C8orf34: variants seen among roughly 807,000 people sequenced by gnomAD.
C8orf34 encodes chromosome 8 open reading frame 34.
In C8orf34, 65 loss-of-function variants were observed where a neutral mutation model predicts 68.3. The ratio of observed to expected loss-of-function variants is 0.95; its 90% CI spans 0.78 to 1.17. C8orf34 has a LOEUF of 1.17. C8orf34 is among the 50% of genes most tolerant of loss of function. The probability of loss-of-function intolerance (pLI) is 0.00; values close to 1 mark genes in which losing one functional copy is unlikely to be tolerated. For synonymous variants in C8orf34, 244 were observed against 241.2 expected (o/e 1.01, Z -0.11); for missense variants, 664 against 655.4 (o/e 1.01, Z -0.14).
intron 10 of C8orf34, among the ~76,000 whole-genome samples, chr8:68,745,237 C>T (rs1031224618): frequency 2.6e-5 from 4 of 152,032 alleles, no homozygotes; most frequent in African/African-American, 9.7e-5. Flanking sequence ...GAAGGAAGCG[C>T]TAAACATGGA....
intron 1 of C8orf34, among the ~76,000 whole-genome samples, chr8:68,378,576 CTG>C (rs1299127021): frequency 6.6e-6 from 1 of 152,182 alleles, no homozygotes; most frequent in African/African-American, 2.4e-5. Context: ...GCGTGAGCCA[CTG>C]TGTGTGGCCC....
intron 1 of C8orf34, among the ~76,000 whole-genome samples, chr8:68,381,991 A>G (rs1375532910): frequency 6.6e-6 from 1 of 152,196 alleles, no homozygotes; most frequent in Non-Finnish European, 1.5e-5. Context: ...ACAAAATTCA[A>G]TCATATACAA....
At chr8:68,541,425 C>T (rs886281285) in intron 7 of C8orf34, among the ~76,000 whole-genome samples, 6 of 151,292 alleles carry the variant, frequency 4.0e-5, no homozygotes, top group Non-Finnish European at 7.4e-5. Flanking sequence ...ATGATGGCAC[C>T]GCTGCACTCC....
intron 1 of C8orf34, among the ~76,000 whole-genome samples, chr8:68,428,048 G>T (rs1368315577): frequency 2.0e-5 from 3 of 150,626 alleles, no homozygotes; most frequent in Admixed American, 2.0e-4. Context: ...AAAGTCAGAT[G>T]TTCTTTAAAG....
At chr8:68,522,862 G>T (rs2380473) in intron 6 of C8orf34, among the ~76,000 whole-genome samples, 29,826 of 152,064 alleles carry the variant, frequency 0.2, 3,813 homozygotes, top group African/African-American at 0.37. Context: ...CGTCACAGAA[G>T]AGTTTTTCCT....
At chr8:68,549,523 T>A (rs1815995518) in intron 7 of C8orf34, among the ~76,000 whole-genome samples, 2 of 151,716 alleles carry the variant, frequency 1.3e-5, no homozygotes, top group South Asian at 4.1e-4. Flanking sequence ...ACTCATAATA[T>A]TATACACTTA....
chr8:68,380,384 G>A (rs143060953), intron 1 of C8orf34, among the ~76,000 whole-genome samples: 1 of 152,362 alleles, frequency 6.6e-6, no homozygotes, highest in African/African-American at 2.4e-5. Context: ...GAGGCTTGAA[G>A]AGAAACCTAG....
intron 7 of C8orf34, chr8:68,625,719 C>T: frequency 1.7e-6 from 1 of 603,888 alleles, no homozygotes; most frequent in Non-Finnish European, 3.0e-6. Flanking sequence ...GCAACTATGG[C>T]CAATATACAT....
intron 5 of C8orf34, among the ~76,000 whole-genome samples, chr8:68,494,606 A>G (rs1813444841): frequency 6.6e-6 from 1 of 152,216 alleles, no homozygotes; most frequent in Non-Finnish European, 1.5e-5. Context: ...CTGTAATCCC[A>G]GCACTTTGGT....
chr8:68,414,079 C>T (rs1388264489), intron 1 of C8orf34, among the ~76,000 whole-genome samples: 1 of 152,132 alleles, frequency 6.6e-6, no homozygotes, highest in Non-Finnish European at 1.5e-5. Flanking sequence ...TTTTGAATGT[C>T]TGATTCTAGT....
intron 5 of C8orf34, among the ~76,000 whole-genome samples, chr8:68,504,054 G>C (rs1011181180): frequency 6.6e-6 from 1 of 152,068 alleles, no homozygotes; most frequent in African/African-American, 2.4e-5. Flanking sequence ...ATCCCCAAAA[G>C]AAACTCTATC....
intron 7 of C8orf34, among the ~76,000 whole-genome samples, chr8:68,548,589 A>G (rs1003746522): frequency 4.6e-5 from 7 of 151,818 alleles, no homozygotes; most frequent in African/African-American, 1.7e-4. Flanking sequence ...TGGGAATGCA[A>G]AATTTTACAA....
Position 68,815,936 on chromosome 8 carries a change from G to T in C8orf34, c.1600G>T (p.Val534Phe). 3 of 1,613,670 alleles carry T rather than the reference G, an allele frequency of 1.9e-6. No individual in the cohort carries two copies. The highest frequency in any genetic ancestry group is 2.5e-6 in the Non-Finnish European group (3 of 1,179,746). The change falls in exon 13 of 14, where the codon GTC becomes TTC. Residue 534 changes from valine (V) to phenylalanine (F), a missense_variant. Val to Phe is a conservative substitution (Grantham distance 50). Coordinates refer to ENST00000518698, the MANE Select transcript of C8orf34 (RefSeq NM_052958.4). ...CVPCSSCPTLVYSGL is the reference protein window; with the variant it reads ...CVPCSSCPTLFYSGL ...TCCATGCTCTTCTTGTCCTACGCTG[G>T]TCTACTCTGGTATGTTTGCTCAGGG...
chr8:68,568,483 A>G (rs967214414), intron 7 of C8orf34, among the ~76,000 whole-genome samples: 1 of 152,110 alleles, frequency 6.6e-6, no homozygotes, highest in Non-Finnish European at 1.5e-5. Flanking sequence ...TGACACAGAC[A>G]CGAAGTGAGC....
At chr8:68,344,488 A>G (rs1036232458) in intron 1 of C8orf34, among the ~76,000 whole-genome samples, 2 of 152,184 alleles carry the variant, frequency 1.3e-5, no homozygotes, top group Non-Finnish European at 2.9e-5. Flanking sequence ...TTTTGTCAAT[A>G]TAAATACCCC....
At chr8:68,360,623 A>G (rs1270395123) in intron 1 of C8orf34, among the ~76,000 whole-genome samples, 9 of 152,034 alleles carry the variant, frequency 5.9e-5, no homozygotes, top group African/African-American at 1.7e-4. Context: ...CTACTTAACT[A>G]TACATTGTCC....
At position 68,385,433 on chromosome 8, in the gene C8orf34, A is replaced by G. The variant is rs114209389; in HGVS notation, c.328-54066A>G. Among the ~76,000 whole-genome samples the G allele has an allele frequency of 1.2e-3, 184 of 152,340 alleles. 1 individual carries two copies. The highest frequency in any genetic ancestry group is 4.3e-3 in the African/African-American group (180 of 41,582). ...TAGTTTTCAACATAGAAAACTAGGT[A>G]TATTCTGGAATCAACAGAAGATAAG... On this transcript the variant is annotated intron_variant, in intron 1 of 13. Transcript: ENST00000518698.
intron 1 of C8orf34, among the ~76,000 whole-genome samples, chr8:68,356,324 C>T (rs1413688705): frequency 2.0e-5 from 3 of 151,966 alleles, no homozygotes; most frequent in Admixed American, 6.6e-5. Flanking sequence ...GTATTGGAGA[C>T]TTCATTTACA....
At chr8:68,341,920 T>G (rs1258314833) in intron 1 of C8orf34, among the ~76,000 whole-genome samples, 2 of 151,904 alleles carry the variant, frequency 1.3e-5, no homozygotes, top group Middle Eastern at 3.4e-3. Flanking sequence ...GAGGGTGGAG[T>G]GTGTGAGGAG....
Sources: allele counts gnomAD v4.1 joint callset (sites outside exome capture counted in the v4.1 genomes callset), GRCh38; gene constraint gnomAD v4.1.1; transcripts MANE v1.5; gene names NCBI Gene and HGNC (gene_info 2026-07-23, HGNC 2026-07-21).